PAX2: variants seen among roughly 807,000 people sequenced by gnomAD.
The protein encoded by PAX2 is paired box protein Pax-2.
PAX2 carries 9 observed loss-of-function variants against 41.7 expected under a neutral mutation model. The observed-to-expected ratio is 0.22, with a 90% CI of 0.13 to 0.38. The LOEUF (loss-of-function observed/expected upper bound fraction) is 0.38, where lower values mean the gene tolerates loss of function less well. Ranked by LOEUF, PAX2 falls within the 10% of genes least tolerant of loss-of-function variation. The pLI, the probability that PAX2 is intolerant of heterozygous loss-of-function variation, is 1.00. For synonymous variants in PAX2, 221 were observed against 212.7 expected, an observed-to-expected ratio of 1.04 and a Z score of -0.34; for missense variants, 418 against 531.6, an observed-to-expected ratio of 0.79 and a Z score of 2.10.
At chr10:100,780,240 T>C (rs1564722947) in intron 4 of PAX2, among the ~76,000 whole-genome samples, 2 of 152,144 alleles carry the variant, frequency 1.3e-5, no homozygotes, top group Non-Finnish European at 2.9e-5. Flanking sequence ...CTTTGAGCCA[T>C]GCTTAGGGCC....
rs890886890 is a variant in PAX2 at position 100,826,828 on chromosome 10, T to C, written c.1022-181T>C. The stretch of plus-strand genomic sequence containing the variant: ...GTGCCTCCCGCCTCCCCGGGCTCTC[T>C]CCACGCGGACGCGGTGATCGCCCCA... On this transcript the variant is annotated intron_variant, in intron 8 of 9. Transcript: ENST00000355243. This position sits in a 1 kb window ranked among gnomAD's most constrained non-coding sequence, Gnocchi z 5.5. Among the ~76,000 whole-genome samples the C allele has an allele frequency of 6.6e-6, 1 of 152,010 alleles. No homozygotes were observed. The highest frequency in any genetic ancestry group is 2.4e-5 in the African/African-American group (1 of 41,414).
At chr10:100,783,652 G>A (rs1846726967) in intron 5 of PAX2, among the ~76,000 whole-genome samples, 1 of 126,984 alleles carries the variant, frequency 7.9e-6, no homozygotes, top group African/African-American at 3.0e-5. Context: ...CATAGAAGGA[G>A]TTTGGGCTTT....
At chr10:100,742,843 CTTTTTTTTTTTTTTTTTTTTTTT>C (rs61627823), upstream of PAX2, among the ~76,000 whole-genome samples, 24 of 41,258 alleles carry the variant, frequency 5.8e-4, no homozygotes, top group Middle Eastern at 0.022. Flanking sequence ...TTCTTTCTTC[CTTTTTTTTTTTTTTTTTTTTTTT>C]TTTTTTTTTT....
At chr10:100,794,408 G>A (rs1847249374) in intron 5 of PAX2, among the ~76,000 whole-genome samples, 1 of 152,212 alleles carries the variant, frequency 6.6e-6, no homozygotes, top group Non-Finnish European at 1.5e-5. Flanking sequence ...CACAGAGAAT[G>A]GTGGTGGTGG....
chr10:100,804,991 C>T (rs1470137776), intron 5 of PAX2, among the ~76,000 whole-genome samples: 2 of 147,196 alleles, frequency 1.4e-5, no homozygotes, highest in Non-Finnish European at 3.0e-5. Context: ...CTCTCTCTCT[C>T]TCTCTCCTTC....
chr10:100,799,939 C>T (rs1040770828), intron 5 of PAX2, among the ~76,000 whole-genome samples: 1 of 151,992 alleles, frequency 6.6e-6, no homozygotes, highest in African/African-American at 2.4e-5. Context: ...GCGCCCACCA[C>T]TACACCCAGC....
At chr10:100,783,627 A>G (rs1265786350) in intron 5 of PAX2, among the ~76,000 whole-genome samples, 1 of 148,572 alleles carries the variant, frequency 6.7e-6, no homozygotes, top group East Asian at 2.0e-4. Context: ...ACAGGATAGC[A>G]GGCCAGGTCT....
intron 3 of PAX2, among the ~76,000 whole-genome samples, chr10:100,767,979 C>T (rs1418769885): frequency 6.6e-6 from 1 of 152,038 alleles, no homozygotes; most frequent in African/African-American, 2.4e-5. Flanking sequence ...TAATAATTCT[C>T]TCATTTCCAC....
At chr10:100,779,356 A>T (rs1846516999) in intron 3 of PAX2, 142 bp from the exon 4 acceptor site, 2 of 764,898 alleles carry the variant, frequency 2.6e-6, no homozygotes, top group African/African-American at 3.4e-5. Flanking sequence ...TGCAGCAGTC[A>T]GTGAGGGCAG....
intron 3 of PAX2, among the ~76,000 whole-genome samples, chr10:100,773,406 T>C (rs1194404950): frequency 6.6e-6 from 1 of 152,154 alleles, no homozygotes; most frequent in East Asian, 1.9e-4. Flanking sequence ...TCAATGCTAA[T>C]AGGACCTCTT....
chr10:100,736,559 ACTC>A (rs930231971), intron 1 of PAX2, among the ~76,000 whole-genome samples: 1 of 151,258 alleles, frequency 6.6e-6, no homozygotes, highest in African/African-American at 2.4e-5. Context: ...TTTTTGCCTC[ACTC>A]CTCACCTTTC....
chr10:100,790,120 C>A lies in PAX2; in HGVS notation c.616+8755C>A, dbSNP rs576229570. 3.3e-5 allele frequency among the ~76,000 whole-genome samples: 5 copies of A among 152,286 alleles called. No individual in the cohort carries two copies. In the East Asian group the frequency reaches 9.6e-4, roughly 29 times the overall value. On this transcript the variant is annotated intron_variant, in intron 5 of 9. Transcript: ENST00000355243. ...TAATGCTGTTGTGGATGAAGAATTC[C>A]ATCTGGTTGTTTGGGGAAGTATTTT...
At chr10:100,746,358 G>A in intron 1 of PAX2, 55 bp downstream of exon 1, 1 of 1,248,104 alleles carries the variant, frequency 8.0e-7, no homozygotes, top group Non-Finnish European at 1.2e-6. Context: ...TCCCAACCCT[G>A]TCCAGTCCCA....
Position 100,793,168 on chromosome 10 carries a change from C to T in PAX2, c.616+11803C>T, listed in dbSNP as rs142460872. Among the ~76,000 whole-genome samples, 432 of 152,348 alleles carry T rather than the reference C, an allele frequency of 2.8e-3. 2 individuals carry two copies. Among genetic ancestry groups the T allele is most frequent in the African/African-American group, 9.9e-3 (413 of 41,582 alleles). On this transcript the variant is annotated intron_variant, in intron 5 of 9. Transcript: ENST00000355243. ...ACAGCACCAGGCAGAGGGCCCCACCCGCTCCCTGAGAGCCCAGAGAAGGCT... is the reference window on the plus strand; with the variant it reads ...ACAGCACCAGGCAGAGGGCCCCACCTGCTCCCTGAGAGCCCAGAGAAGGCT...
chr10:100,820,862 C>T (rs1848359330), intron 7 of PAX2, among the ~76,000 whole-genome samples: 1 of 152,206 alleles, frequency 6.6e-6, no homozygotes, highest in East Asian at 1.9e-4. Flanking sequence ...CATTGAGCAA[C>T]AAAAATCCTC....
At chr10:100,810,155 G>A (rs557880448) in intron 7 of PAX2, among the ~76,000 whole-genome samples, 35 of 152,314 alleles carry the variant, frequency 2.3e-4, no homozygotes, top group African/African-American at 7.0e-4. Flanking sequence ...CCTGCAGAGC[G>A]AGGCAAGCGG....
At chr10:100,825,032 G>C in intron 8 of PAX2, 1 of 1,465,210 alleles carries the variant, frequency 6.8e-7, no homozygotes, top group Non-Finnish European at 9.6e-7. Context: ...GTCTGTGCCC[G>C]AGGAGCACTC....
At chr10:100,770,714 A>G (rs1235920155) in intron 3 of PAX2, among the ~76,000 whole-genome samples, 1 of 152,208 alleles carries the variant, frequency 6.6e-6, no homozygotes, top group East Asian at 1.9e-4. Context: ...GTATCTAAGT[A>G]ACCCACTGGG....
chr10:100,775,760 A>T (rs1176695722), intron 3 of PAX2, among the ~76,000 whole-genome samples: 3 of 152,204 alleles, frequency 2.0e-5, no homozygotes, highest in African/African-American at 7.2e-5. Context: ...GCTGCAGTAA[A>T]CTAGGAGCAG....
Sources: allele counts gnomAD v4.1 joint callset (sites outside exome capture counted in the v4.1 genomes callset), GRCh38; gene constraint gnomAD v4.1.1; non-coding constraint Gnocchi (gnomAD v3.1); transcripts MANE v1.5; gene names NCBI Gene and HGNC (gene_info 2026-07-23, HGNC 2026-07-21).